AUTS2: variants seen among roughly 807,000 people sequenced by gnomAD.
AUTS2 encodes the protein autism susceptibility gene 2 protein.
A neutral mutation model predicts 112.4 loss-of-function variants in AUTS2; 17 were observed. The observed-to-expected ratio is 0.15, with a 90% CI of 0.10 to 0.23. The LOEUF is 0.23. Among genes scored for constraint, AUTS2 ranks in the 10% least tolerant of loss-of-function variants. AUTS2 has a pLI of 1.00. For missense variants in AUTS2, 1,510 were observed against 1,701.6 expected, an observed-to-expected ratio of 0.89 and a Z score of 1.98; for synonymous variants, 751 against 702.7, an observed-to-expected ratio of 1.07 and a Z score of -1.09.
At chr7:70,375,246 A>G (rs2129631112) in intron 4 of AUTS2, among the ~76,000 whole-genome samples, 2 of 152,330 alleles carry the variant, frequency 1.3e-5, no homozygotes, top group South Asian at 4.1e-4. Flanking sequence ...TCACTTGGAT[A>G]TGAGAGACCA....
At chr7:70,417,854 G>A (rs1158389508) in intron 4 of AUTS2, among the ~76,000 whole-genome samples, 1 of 152,108 alleles carries the variant, frequency 6.6e-6, no homozygotes, top group South Asian at 2.1e-4. Flanking sequence ...CCAGAAGACC[G>A]TTTGCCTATG....
intron 5 of AUTS2, among the ~76,000 whole-genome samples, chr7:70,448,753 A>G (rs1011394765): frequency 8.5e-5 from 13 of 152,210 alleles, no homozygotes; most frequent in African/African-American, 2.4e-4. Context: ...TGGACGTCCA[A>G]TGCTGTGCAA....
At chr7:69,743,134 G>A (rs17140871) in intron 1 of AUTS2, among the ~76,000 whole-genome samples, 4,260 of 152,182 alleles carry the variant, frequency 0.028, 106 homozygotes, top group East Asian at 0.13. Flanking sequence ...TGTTTGCTCT[G>A]GTTTTTCTTG....
intron 4 of AUTS2, among the ~76,000 whole-genome samples, chr7:70,414,175 A>G (rs1007770768): frequency 6.6e-6 from 1 of 152,194 alleles, no homozygotes; most frequent in African/African-American, 2.4e-5. Flanking sequence ...TTTGCCCAGC[A>G]CCTAGTAGGC....
chr7:70,381,584 G>T (rs1244328418), intron 4 of AUTS2, among the ~76,000 whole-genome samples: 1 of 152,138 alleles, frequency 6.6e-6, no homozygotes, highest in Non-Finnish European at 1.5e-5. Flanking sequence ...AATGATGAGG[G>T]ATTTGAAGAT....
At chr7:70,455,699 A>G (rs1255004467) in intron 5 of AUTS2, among the ~76,000 whole-genome samples, 1 of 152,052 alleles carries the variant, frequency 6.6e-6, no homozygotes, top group Non-Finnish European at 1.5e-5. Context: ...AGGTGGGAGG[A>G]TCACTTGAGG....
intron 2 of AUTS2, among the ~76,000 whole-genome samples, chr7:70,093,372 T>C (rs916384869): frequency 2.6e-5 from 4 of 152,156 alleles, no homozygotes; most frequent in African/African-American, 9.7e-5. Context: ...TAAAAAATTA[T>C]GGGTGGTAAT....
intron 5 of AUTS2, among the ~76,000 whole-genome samples, chr7:70,656,352 C>T (rs73704589): frequency 0.011 from 1,675 of 151,950 alleles, 33 homozygotes; most frequent in African/African-American, 0.038. Flanking sequence ...GTCTTAATTT[C>T]ATGGAATAGT....
chr7:70,140,489 C>T (rs1327746115), intron 4 of AUTS2, among the ~76,000 whole-genome samples: 1 of 152,144 alleles, frequency 6.6e-6, no homozygotes. Flanking sequence ...AGTACAGATA[C>T]ATCAACTTGG....
At chr7:70,325,240 C>T (rs1207851991) in intron 4 of AUTS2, among the ~76,000 whole-genome samples, 2 of 152,094 alleles carry the variant, frequency 1.3e-5, no homozygotes, top group African/African-American at 4.8e-5. Flanking sequence ...GGGAGCATCG[C>T]TTGAGAACAG....
At chr7:69,803,434 G>A (rs1409965285) in intron 1 of AUTS2, among the ~76,000 whole-genome samples, 1 of 151,872 alleles carries the variant, frequency 6.6e-6, no homozygotes, top group Non-Finnish European at 1.5e-5. Flanking sequence ...ATGTTGGATT[G>A]CTTTGCTGGA....
intron 4 of AUTS2, among the ~76,000 whole-genome samples, chr7:70,300,058 G>A (rs547687013): frequency 1.3e-5 from 2 of 152,214 alleles, no homozygotes; most frequent in South Asian, 4.1e-4. Flanking sequence ...ATAGTCCACT[G>A]CATCATGCGT....
intron 1 of AUTS2, among the ~76,000 whole-genome samples, chr7:69,854,250 A>G (rs1792619420): frequency 6.6e-6 from 1 of 152,150 alleles, no homozygotes; most frequent in Non-Finnish European, 1.5e-5. Flanking sequence ...CTTACTGTGT[A>G]GCTGAGGAAA....
intron 2 of AUTS2, among the ~76,000 whole-genome samples, chr7:69,953,529 T>C (rs781397491): frequency 1.7e-4 from 26 of 152,302 alleles, no homozygotes; most frequent in Non-Finnish European, 3.2e-4. Flanking sequence ...TTCATTCTGA[T>C]GGTTGAGTAG....
intron 4 of AUTS2, among the ~76,000 whole-genome samples, chr7:70,367,944 T>G (rs1246405236): frequency 6.6e-6 from 1 of 152,200 alleles, no homozygotes; most frequent in Non-Finnish European, 1.5e-5. Context: ...ATGTGTGTAT[T>G]CAGTGTTTAG....
At chr7:69,655,813 TC>T (rs1323306451) in intron 1 of AUTS2, among the ~76,000 whole-genome samples, 1 of 152,002 alleles carries the variant, frequency 6.6e-6, no homozygotes, top group East Asian at 1.9e-4. Context: ...AGGAGAAGGG[TC>T]CTGGGCAGTA....
chr7:70,781,444 G>A (rs1486797004), intron 14 of AUTS2, 171 bp from the exon 15 acceptor site: 3 of 680,316 alleles, frequency 4.4e-6, no homozygotes, highest in Admixed American at 6.8e-5. Context: ...CTACCGGCCT[G>A]CAGATCTGAC....
chr7:69,956,727 C>A (rs1020136238), intron 2 of AUTS2, among the ~76,000 whole-genome samples: 3 of 152,158 alleles, frequency 2.0e-5, no homozygotes, highest in Non-Finnish European at 1.5e-5. Flanking sequence ...GTGGCAGGTC[C>A]TGAAGGAAGA....
chr7:70,333,579 T>A (rs1223298317), intron 4 of AUTS2, among the ~76,000 whole-genome samples: 2 of 152,154 alleles, frequency 1.3e-5, no homozygotes, highest in Non-Finnish European at 2.9e-5. Flanking sequence ...AATGCTAGAC[T>A]GGATAAAGAA....
Sources: gnomAD v4.1 joint callset for allele counts (sites outside exome capture counted in the v4.1 genomes callset) on GRCh38, gnomAD v4.1.1 for gene constraint, MANE v1.5 for transcripts, NCBI Gene and HGNC (gene_info 2026-07-23, HGNC 2026-07-21) for gene names.